ABCC1: variants seen among roughly 807,000 people sequenced by gnomAD.
The protein encoded by ABCC1 is multidrug resistance-associated protein 1.
ABCC1 carries 83 observed loss-of-function variants against 172.9 expected under a neutral mutation model. That is an observed-to-expected ratio of 0.48 (90% CI 0.40 to 0.58). The LOEUF (loss-of-function observed/expected upper bound fraction) is 0.58. Ranked by LOEUF, ABCC1 falls within the 20% of genes least tolerant of loss-of-function variation. ABCC1 has a pLI of 0.00. For missense variants in ABCC1, 1,817 were observed against 2,002.7 expected (o/e 0.91, Z 1.77); for synonymous variants, 937 against 825.2 (o/e 1.14, Z -2.32).
intron 12 of ABCC1, among the ~76,000 whole-genome samples, chr16:16,060,437 C>T (rs930640192): frequency 6.6e-6 from 1 of 152,154 alleles, no homozygotes; most frequent in Non-Finnish European, 1.5e-5. Context: ...ACTTCCAGCT[C>T]CAATGCCCCT....
At chr16:16,070,600 G>C (rs1309278537) in intron 13 of ABCC1, among the ~76,000 whole-genome samples, 1 of 152,058 alleles carries the variant, frequency 6.6e-6, no homozygotes, top group Non-Finnish European at 1.5e-5. Flanking sequence ...GGGAGGTGGA[G>C]CTTGCAGTGA....
chr16:16,043,243 T>TTTTTTTTTTTCC lies in ABCC1; in HGVS notation c.810-1207_810-1206insTTTTTTTTTTCC, dbSNP rs1021835519. ...GACTGTTTTTTTTTTTTTTTTTTTTTCCACTGATGTATATATGCCTATCCC... is the reference window on the plus strand; with the variant it reads ...GACTGTTTTTTTTTTTTTTTTTTTTTTTTTTTTTTTCCCCACTGATGTATATATGCCTATCCC... On this transcript the variant is annotated intron_variant, in intron 7 of 30. Coordinates refer to ENST00000399410, the MANE Select transcript of ABCC1 (RefSeq NM_004996.4). Among the ~76,000 whole-genome samples, 76 of 140,848 alleles carry TTTTTTTTTTTCC rather than the reference T, an allele frequency of 5.4e-4. 1 individual carries two copies. The highest frequency in any genetic ancestry group is 7.4e-4 in the Non-Finnish European group (48 of 65,070). 92.4% of individuals were successfully genotyped at this position (140,848 alleles called of 152,430 possible).
At chr16:16,030,387 T>G (rs2048521565) in intron 5 of ABCC1, among the ~76,000 whole-genome samples, 1 of 152,128 alleles carries the variant, frequency 6.6e-6, no homozygotes, top group South Asian at 2.1e-4. Flanking sequence ...TAGCCCAGTG[T>G]GGTGGCTGAT....
intron 21 of ABCC1, among the ~76,000 whole-genome samples, chr16:16,110,418 C>G (rs2052336496): frequency 6.6e-6 from 1 of 151,988 alleles, no homozygotes; most frequent in Non-Finnish European, 1.5e-5. Context: ...TAGAGACAGT[C>G]TCACTCTGTC....
chr16:15,985,515 G>A (rs2046723193), intron 1 of ABCC1, among the ~76,000 whole-genome samples: 1 of 152,044 alleles, frequency 6.6e-6, no homozygotes, highest in African/African-American at 2.4e-5. Flanking sequence ...CACCATCTCG[G>A]CTCACTGCAT....
chr16:16,085,508 G>A lies in ABCC1; in HGVS notation c.2293-1316G>A, dbSNP rs1036072421. On this transcript the variant is annotated intron_variant, in intron 17 of 30. Coordinates refer to ENST00000399410, the MANE Select transcript of ABCC1 (RefSeq NM_004996.4). ...AAAAAACGAATTATTGGCTGGGCGC[G>A]GTAGCTCACGCCTATAATCCCAGCA... 1.5e-4 allele frequency among the ~76,000 whole-genome samples: 23 copies of A among 152,228 alleles called. 1 individual carries two copies. The highest frequency in any genetic ancestry group is 9.8e-4 in the Admixed American group (15 of 15,278).
intron 1 of ABCC1, among the ~76,000 whole-genome samples, chr16:15,996,868 A>G (rs2047073575): frequency 6.6e-6 from 1 of 152,146 alleles, no homozygotes; most frequent in Non-Finnish European, 1.5e-5. Flanking sequence ...ATCAATGCCT[A>G]GTGCCTTAGT....
intron 1 of ABCC1, among the ~76,000 whole-genome samples, chr16:15,959,552 CT>C (rs1294788648): frequency 7.2e-5 from 11 of 152,152 alleles, no homozygotes; most frequent in African/African-American, 2.7e-4. Flanking sequence ...TCTCAAACTC[CT>C]GGGCTCAAGC....
In ABCC1 at chr16:15,990,816, ATT is replaced by A. The variant is rs57111358; in HGVS notation, c.49-16981_49-16980del. Among the ~76,000 whole-genome samples, 585 of 118,152 alleles carry A rather than the reference ATT, an allele frequency of 5.0e-3. 8 individuals carry two copies. In the East Asian group the frequency reaches 0.065, roughly 13 times the overall value. 77.5% of individuals were successfully genotyped at this position (118,152 alleles called of 152,430 possible). A position where few individuals can be genotyped will look rare whatever the true frequency, so the allele number is the denominator to read the frequency against. On this transcript the variant is annotated intron_variant, in intron 1 of 30. Coordinates refer to ENST00000399410, the MANE Select transcript of ABCC1 (RefSeq NM_004996.4). ...AGGTGCCTGCCGCCACGCCCGGCTA[ATT>A]TTTTTTTTTTTTTTTTTTGCATTTT... is the stretch of plus-strand genomic sequence containing the variant.
intron 21 of ABCC1, among the ~76,000 whole-genome samples, chr16:16,108,051 T>C (rs1441775002): frequency 6.6e-6 from 1 of 152,068 alleles, no homozygotes; most frequent in African/African-American, 2.4e-5. Context: ...GAGGTGACTC[T>C]GGTGTCCTCT....
At chr16:15,973,317 G>T (rs1386817884) in intron 1 of ABCC1, among the ~76,000 whole-genome samples, 1 of 152,056 alleles carries the variant, frequency 6.6e-6, no homozygotes, top group Non-Finnish European at 1.5e-5. Context: ...GTCTCCAGGG[G>T]ACATTTGGCA....
chr16:16,059,596 G>A (rs2049818703), intron 12 of ABCC1, among the ~76,000 whole-genome samples: 3 of 152,080 alleles, frequency 2.0e-5, no homozygotes, highest in Non-Finnish European at 1.5e-5. Flanking sequence ...CTTGAGGCTA[G>A]CAGATTGAGA....
intron 3 of ABCC1, among the ~76,000 whole-genome samples, chr16:16,010,990 T>C (rs1341806632): frequency 6.6e-6 from 1 of 152,036 alleles, no homozygotes; most frequent in Non-Finnish European, 1.5e-5. Context: ...TCCCAGCACT[T>C]TGGGAGGCTG....
chr16:16,055,900 C>T (rs2049629739), intron 11 of ABCC1, among the ~76,000 whole-genome samples, 192 bp from the exon 12 acceptor site: 1 of 150,004 alleles, frequency 6.7e-6, no homozygotes, highest in Non-Finnish European at 1.5e-5. Flanking sequence ...AATCCCAGCA[C>T]AGGAGTTTGA....
At chr16:16,106,493 G>A in intron 20 of ABCC1, 1 of 395,002 alleles carries the variant, frequency 2.5e-6, no homozygotes, top group South Asian at 5.2e-5. Flanking sequence ...GATCATCACA[G>A]ATTGCGTTTC....
chr16:16,112,794 T>C (rs2044680309), intron 22 of ABCC1, among the ~76,000 whole-genome samples: 1 of 152,244 alleles, frequency 6.6e-6, no homozygotes, highest in Non-Finnish European at 1.5e-5. Context: ...TGAGTACTTC[T>C]GTATGCCAGG....
At chr16:15,960,562 A>G (rs898244856) in intron 1 of ABCC1, among the ~76,000 whole-genome samples, 2 of 152,170 alleles carry the variant, frequency 1.3e-5, no homozygotes, top group African/African-American at 4.8e-5. Flanking sequence ...GGTGACGGAA[A>G]TGATTTCAGA....
At chr16:16,052,612 G>T (rs183083217) in intron 10 of ABCC1, 112 bp from the exon 11 acceptor site, 3 of 923,766 alleles carry the variant, frequency 3.2e-6, no homozygotes, top group Non-Finnish European at 5.1e-6. Context: ...AACACACCTT[G>T]CCCTGAACTT....
Position 16,090,598 on chromosome 16 carries a change from G to A in ABCC1, c.2644+10G>A, listed in dbSNP as rs761992766. On this transcript the variant is annotated intron_variant, in intron 19 of 30. Transcript: ENST00000399410. ...GATGCAGAGGAGAACGGTAGGGGCA[G>A]CCCCAGGGTTCCACCCACTCAGGGT... 76 of 1,567,320 alleles carry A rather than the reference G, an allele frequency of 4.8e-5. No individual in the cohort carries two copies. Among genetic ancestry groups the A allele is most frequent in the Non-Finnish European group, 6.4e-5 (74 of 1,150,710 alleles).
Sources: allele counts gnomAD v4.1 joint callset (sites outside exome capture counted in the v4.1 genomes callset), GRCh38; gene constraint gnomAD v4.1.1; transcripts MANE v1.5; gene names NCBI Gene and HGNC (gene_info 2026-07-23, HGNC 2026-07-21).